Variants in NR1D2 observed in about 807,000 individuals in gnomAD.
NR1D2 encodes the protein nuclear receptor subfamily 1 group D member 2, also known as V-erbA-related protein 1-related.
A neutral mutation model predicts 52.2 loss-of-function variants in NR1D2; 25 were observed. The observed-to-expected ratio is 0.48, with a 90% confidence interval of 0.35 to 0.67. The LOEUF is 0.67. Ranked by LOEUF, NR1D2 falls within the 30% of genes least tolerant of loss-of-function variation. The probability of loss-of-function intolerance (pLI) is 0.01; values close to 1 mark genes in which losing one functional copy is unlikely to be tolerated. For missense variants in NR1D2, 681 were observed against 707.2 expected (o/e 0.96, Z 0.42); for synonymous variants, 259 against 230.1 (o/e 1.13, Z -1.14).
At chr3:23,949,060 T>C (rs1213417532) in intron 1 of NR1D2, among the ~76,000 whole-genome samples, 2 of 152,198 alleles carry the variant, frequency 1.3e-5, no homozygotes, top group Admixed American at 1.3e-4. Flanking sequence ...AAATAATGTC[T>C]ATTTTATAAA....
At chr3:23,963,630 A>G (rs1706357287) in intron 5 of NR1D2, among the ~76,000 whole-genome samples, 1 of 151,806 alleles carries the variant, frequency 6.6e-6, no homozygotes, top group East Asian at 1.9e-4. Flanking sequence ...TTGTATTTTC[A>G]GTAGAGACAG....
Position 23,965,115 on chromosome 3 carries a change from C to G in NR1D2, c.1285C>G (p.Leu429Val), listed in dbSNP as rs1276050371. ...FAKRIPGFRD[L>V]SQHDQVNLLK... ...AAAGCGTATTCCTGGGTTCAGAGAT[C>G]TCTCTCAGCATGACCAGGTCAACCT... The change falls in exon 6 of 8, where the codon CTC becomes GTC. Residue 429 changes from leucine (L) to valine (V), a missense_variant. Leu to Val is a conservative substitution (Grantham distance 32, BLOSUM62 1). Around this residue, in one of 3 missense-constraint regions of NR1D2, gnomAD observed 475 missense variants for 454.5 expected, o/e 1.05. Coordinates refer to ENST00000312521, the MANE Select transcript of NR1D2 (RefSeq NM_005126.5). 3 of 1,613,660 alleles carry G rather than the reference C, an allele frequency of 1.9e-6. No homozygotes were observed. The highest frequency in any genetic ancestry group is 2.5e-6 in the Non-Finnish European group (3 of 1,179,958).
rs1706032594 is a variant in NR1D2, at chr3:23,954,554, A to G, written c.34A>G (p.Ile12Val). 4 of 1,614,032 alleles carry G rather than the reference A, an allele frequency of 2.5e-6. No individual in the cohort carries two copies. The Admixed American group carries it at 5.0e-5, about 20-fold the overall frequency. Residue 12 changes from isoleucine to valine, a missense_variant, in exon 2 of 8, where the codon ATC (isoleucine) becomes GTC (valine). Physicochemically the swap from Ile to Val is conservative, Grantham distance 29. Coordinates refer to ENST00000312521, the MANE Select transcript of NR1D2 (RefSeq NM_005126.5). ...TTTTCTAGGAGGTGTGATTGCCTATATCAGTTCTTCCAGCTCAGCCTCAAG... is the reference window on the plus strand; with the variant it reads ...TTTTCTAGGAGGTGTGATTGCCTATGTCAGTTCTTCCAGCTCAGCCTCAAG... ...EVNAGGVIAYISSSSSASSPA... is the reference protein window; with the variant it reads ...EVNAGGVIAYVSSSSSASSPA...
intron 3 of NR1D2, among the ~76,000 whole-genome samples, chr3:23,957,569 A>G (rs1403129304): frequency 6.6e-6 from 1 of 151,414 alleles, no homozygotes; most frequent in Non-Finnish European, 1.5e-5. Flanking sequence ...ACAAAAAAAA[A>G]AAAATTAGCC....
rs138630562 is a variant in NR1D2 at position 23,947,559 on chromosome 3, C to A, written c.16+1965C>A. Among the ~76,000 whole-genome samples, 10 of 152,266 alleles carry A rather than the reference C, an allele frequency of 6.6e-5. 1 individual carries two copies. The East Asian group carries it at 1.9e-3, about 29-fold the overall frequency. ...CTTGAATCCTGTTGCAAATGAATTC[C>A]CTGGCAGGCTTAGTATTTTTGGCAT... On this transcript the variant is annotated intron_variant, in intron 1 of 7. Transcript: ENST00000312521.
intron 6 of NR1D2, among the ~76,000 whole-genome samples, chr3:23,967,053 C>T (rs1706466555): frequency 6.6e-6 from 1 of 152,096 alleles, no homozygotes; most frequent in South Asian, 2.1e-4. Flanking sequence ...AGGCCGGGCG[C>T]TGTGGCTCAT....
intron 7 of NR1D2, among the ~76,000 whole-genome samples, chr3:23,973,868 TA>T (rs1442594065): frequency 1.3e-5 from 2 of 152,012 alleles, no homozygotes; most frequent in African/African-American, 4.8e-5. Context: ...ACTTTATTGT[TA>T]AAAACTGTGA....
intron 1 of NR1D2, chr3:23,946,136 G>C (rs374885736): frequency 6.1e-6 from 6 of 984,998 alleles, no homozygotes; most frequent in Non-Finnish European, 7.2e-6. Context: ...CTCCCCCGCG[G>C]GGTTGCACAC....
rs910347769 is a variant in NR1D2 at position 23,962,166 on chromosome 3, A to G, written c.707A>G (p.Glu236Gly). ...QLRPKPQLEQ[E>G]NIKSSSPPSS... ...CGACCCAAGCCCCAACTGGAGCAAGAAAACATCAAAAGCTCTTCTCCTCCA... is the reference window on the plus strand; with the variant it reads ...CGACCCAAGCCCCAACTGGAGCAAGGAAACATCAAAAGCTCTTCTCCTCCA... Residue 236 changes from glutamate (E) to glycine (G), a missense_variant, in exon 5 of 8, where the codon GAA becomes GGA. By Grantham distance (98) the Glu-to-Gly change is moderately conservative. Transcript: ENST00000312521. 1.2e-6 allele frequency: 2 copies of G among 1,614,210 alleles called. No homozygotes were observed. The highest frequency in any genetic ancestry group is 4.5e-5 in the East Asian group (2 of 44,890).
chr3:23,954,420 A>C, intron 1 of NR1D2, 117 bp from the exon 2 acceptor site: 1 of 883,110 alleles, frequency 1.1e-6, no homozygotes, highest in Non-Finnish European at 1.8e-6. Context: ...GGTGTAAGCA[A>C]ACATTTCATA....
In NR1D2 at chr3:23,974,812, T is replaced by C. The variant is rs377171398; in HGVS notation, c.1544-2411T>C. On this transcript the variant is annotated intron_variant, in intron 7 of 7. Coordinates refer to ENST00000312521, the MANE Select transcript of NR1D2 (RefSeq NM_005126.5). ...CCCTCCCCCTACCCCCACAAACCAA[T>C]ATCCAATTTTTTTTTTTTTTTTTTG... Among the ~76,000 whole-genome samples, 956 of 151,076 alleles carry C rather than the reference T, an allele frequency of 6.3e-3. 3 individuals are homozygous for C. Among genetic ancestry groups the C allele is most frequent in the Non-Finnish European group, 9.9e-3 (670 of 67,768 alleles).
chr3:23,958,232 A>G lies in NR1D2; in HGVS notation c.373-1439A>G, dbSNP rs1298951158. On this transcript the variant is annotated intron_variant, in intron 3 of 7. Coordinates refer to ENST00000312521, the MANE Select transcript of NR1D2 (RefSeq NM_005126.5). ...TAGTCAGTGATTTCTGTCATGTATA[A>G]GTAGGCCTTGCCATTGTCAGCAGGT... Among the ~76,000 whole-genome samples, 5 of 152,372 alleles carry G rather than the reference A, an allele frequency of 3.3e-5. No individual in the cohort carries two copies. The South Asian group carries it at 6.2e-4, about 19-fold the overall frequency.
chr3:23,965,235 C>CTTTTTTTTTTTTTTTTT (rs371267256), intron 6 of NR1D2, 73 bp downstream of exon 6: 1 of 284,338 alleles, frequency 3.5e-6, no homozygotes, highest in Non-Finnish European at 5.7e-6. Context: ...TGTTTTAATT[C>CTTTTTTTTTTTTTTTTT]TTTTTTTTTT....
chr3:23,963,371 C>G, intron 5 of NR1D2: 1 of 1,278,318 alleles, frequency 7.8e-7, no homozygotes, highest in South Asian at 1.3e-5. Context: ...ATAGTTGACT[C>G]TACCTCAATC....
chr3:23,958,416 G>C (rs1328307106), intron 3 of NR1D2, among the ~76,000 whole-genome samples: 2 of 152,146 alleles, frequency 1.3e-5, no homozygotes, highest in Admixed American at 6.6e-5. Flanking sequence ...GGAGGCTGAA[G>C]CTGTAGGATT....
Position 23,962,181 on chromosome 3 carries a change from C to T in NR1D2, c.722C>T (p.Ser241Phe), listed in dbSNP as rs770012545. ...PQLEQENIKS[S>F]SPPSSDFAKE... ...CTGGAGCAAGAAAACATCAAAAGCT[C>T]TTCTCCTCCATCTTCTGATTTTGCA... is the stretch of plus-strand genomic sequence containing the variant. Residue 241 changes from serine (S) to phenylalanine (F), a missense_variant, in exon 5 of 8, where the codon TCT (serine) becomes TTT (phenylalanine). Ser to Phe is a radical substitution (Grantham distance 155, BLOSUM62 -2). Around this residue, in one of 3 missense-constraint regions of NR1D2, gnomAD observed 475 missense variants for 454.5 expected, o/e 1.05. Transcript: ENST00000312521. 6 of 1,614,156 alleles carry T rather than the reference C, an allele frequency of 3.7e-6. No homozygotes were observed. The Admixed American group carries it at 8.3e-5, about 22-fold the overall frequency.
intron 1 of NR1D2, among the ~76,000 whole-genome samples, chr3:23,953,389 G>A (rs923168614): frequency 2.0e-5 from 3 of 150,892 alleles, no homozygotes; most frequent in South Asian, 4.2e-4. Flanking sequence ...TTTCAGAAGG[G>A]TTGTGGCGGT....
At chr3:23,957,108 G>A (rs1265779357) in intron 3 of NR1D2, among the ~76,000 whole-genome samples, 2 of 151,606 alleles carry the variant, frequency 1.3e-5, no homozygotes, top group African/African-American at 4.8e-5. Context: ...TCAGCCTCCC[G>A]AGTAGCTGGG....
chr3:23,950,313 CT>C (rs1406013553), intron 1 of NR1D2, among the ~76,000 whole-genome samples: 1 of 152,252 alleles, frequency 6.6e-6, no homozygotes, highest in Non-Finnish European at 1.5e-5. Flanking sequence ...ACAACCTTGA[CT>C]TTAAACTTTG....
Sources: gnomAD v4.1 joint callset for allele counts (sites outside exome capture counted in the v4.1 genomes callset) on GRCh38, gnomAD v4.1.1 for gene constraint, gnomAD v4.1.1 regional missense constraint, MANE v1.5 for transcripts, NCBI Gene and HGNC (gene_info 2026-07-23, HGNC 2026-07-21) for gene names.